The following CD8B2 variants were observed in gnomAD, a reference collection of about 807,000 sequenced individuals.
CD8B2 encodes the protein T-cell surface glycoprotein CD8 beta-2 chain.
A neutral mutation model predicts 23.7 loss-of-function variants in CD8B2; 11 were observed. The observed-to-expected ratio is 0.46, with a 90% confidence interval of 0.29 to 0.77. The LOEUF (loss-of-function observed/expected upper bound fraction) is 0.77, where lower values mean the gene tolerates loss of function less well. Ranked by LOEUF, CD8B2 falls within the 30% of genes least tolerant of loss-of-function variation. The probability of loss-of-function intolerance (pLI) is 0.09; values close to 1 mark genes in which losing one functional copy is unlikely to be tolerated. For missense variants in CD8B2, 197 were observed against 270.5 expected (o/e 0.73, Z 1.91); for synonymous variants, 90 against 109.3 (o/e 0.82, Z 1.10).
At chr2:106,542,545 A>T (rs1680191547) in intron 5 of CD8B2, among the ~76,000 whole-genome samples, 2 of 151,514 alleles carry the variant, frequency 1.3e-5, no homozygotes, top group South Asian at 4.2e-4. Flanking sequence ...TATTTAACAA[A>T]TACATGCCTA....
At chr2:106,498,933 C>T (rs930007117) in intron 3 of CD8B2, among the ~76,000 whole-genome samples, 2 of 152,024 alleles carry the variant, frequency 1.3e-5, no homozygotes, top group Non-Finnish European at 2.9e-5. Context: ...ATTTCTAAAC[C>T]ATGGACTCAG....
intron 5 of CD8B2, among the ~76,000 whole-genome samples, chr2:106,541,294 A>C (rs1680170036): frequency 6.6e-6 from 1 of 152,092 alleles, no homozygotes; most frequent in Admixed American, 6.5e-5. Context: ...CCCCCTATGG[A>C]AGTAGGGCCA....
At chr2:106,527,803 C>CAAAA (rs1164963595) in intron 5 of CD8B2, among the ~76,000 whole-genome samples, 1 of 25,816 alleles carries the variant, frequency 3.9e-5, no homozygotes, top group Non-Finnish European at 7.7e-5. Flanking sequence ...CAAAACAAAA[C>CAAAA]AAAAAACAAA....
chr2:106,527,974 C>T (rs1573349143), intron 5 of CD8B2, among the ~76,000 whole-genome samples: 1 of 152,284 alleles, frequency 6.6e-6, no homozygotes, highest in East Asian at 1.9e-4. Flanking sequence ...TTTCAATGTC[C>T]AGCATATCCT....
intron 5 of CD8B2, among the ~76,000 whole-genome samples, chr2:106,527,550 C>G (rs1197622216): frequency 6.6e-6 from 1 of 152,186 alleles, no homozygotes; most frequent in Non-Finnish European, 1.5e-5. Context: ...TTCGGGAGAC[C>G]GAGGTGGGTG....
At chr2:106,535,414 A>T (rs1216381826) in intron 5 of CD8B2, 1 of 130,502 alleles carries the variant, frequency 7.7e-6, no homozygotes, top group African/African-American at 3.5e-5. Context: ...GTTAAGGCTA[A>T]ACAGAAATAG....
intron 5 of CD8B2, among the ~76,000 whole-genome samples, chr2:106,537,181 C>T (rs895066310): frequency 2.0e-5 from 3 of 152,124 alleles, no homozygotes; most frequent in Non-Finnish European, 4.4e-5. Flanking sequence ...GGCTTCCCCC[C>T]AAATGCTGCC....
chr2:106,512,545 G>A (rs1679653187), downstream of CD8B2, among the ~76,000 whole-genome samples: 1 of 152,064 alleles, frequency 6.6e-6, no homozygotes, highest in African/African-American at 2.4e-5. Flanking sequence ...GCTCACTGCA[G>A]CTTTGACCTC....
chr2:106,499,372 A>C (rs1377974291), intron 3 of CD8B2, among the ~76,000 whole-genome samples: 2 of 152,024 alleles, frequency 1.3e-5, no homozygotes, highest in Admixed American at 1.3e-4. Flanking sequence ...TCTCCACTAA[A>C]AATACAAAAA....
chr2:106,503,889 TAGCCTG>T (rs1340137958), intron 4 of CD8B2, among the ~76,000 whole-genome samples: 14 of 152,246 alleles, frequency 9.2e-5, no homozygotes, highest in African/African-American at 3.1e-4. Flanking sequence ...GCAATTGCCC[TAGCCTG>T]AGACTGCCTG....
intron 5 of CD8B2, among the ~76,000 whole-genome samples, chr2:106,532,798 G>A (rs1242077178): frequency 2.0e-5 from 3 of 152,160 alleles, no homozygotes; most frequent in Admixed American, 1.3e-4. Context: ...GGCTTTGGCT[G>A]GCTTCTTTAC....
At chr2:106,537,503 C>T (rs1286592807) in intron 5 of CD8B2, among the ~76,000 whole-genome samples, 1 of 152,056 alleles carries the variant, frequency 6.6e-6, no homozygotes. Context: ...GCACAGAAAT[C>T]CCCAAATGAG....
At chr2:106,522,799 C>G (rs776913179) in intron 5 of CD8B2, among the ~76,000 whole-genome samples, 1 of 152,056 alleles carries the variant, frequency 6.6e-6, no homozygotes, top group African/African-American at 2.4e-5. Context: ...TTGCAAAGAC[C>G]GTAGCAGAGA....
intron 5 of CD8B2, among the ~76,000 whole-genome samples, chr2:106,524,575 A>C (rs1228828356): frequency 3.3e-5 from 5 of 152,198 alleles, no homozygotes; most frequent in Non-Finnish European, 7.3e-5. Flanking sequence ...AAGAAGCCCC[A>C]GTGGTCCAGT....
intron 3 of CD8B2, among the ~76,000 whole-genome samples, chr2:106,496,670 A>G (rs376048038): frequency 1.3e-5 from 2 of 152,002 alleles, no homozygotes; most frequent in South Asian, 2.1e-4. Flanking sequence ...AAAAATCCAT[A>G]TACTATATGA....
intron 5 of CD8B2, among the ~76,000 whole-genome samples, chr2:106,517,936 G>T (rs1282460214): frequency 6.6e-6 from 1 of 152,020 alleles, no homozygotes. Flanking sequence ...GGATGGTCTC[G>T]ATCTCCTGAC....
At chr2:106,521,492 C>T (rs2104568723) in intron 5 of CD8B2, 1 of 152,286 alleles carries the variant, frequency 6.6e-6, no homozygotes. Flanking sequence ...AAAAGGAAAA[C>T]CTTACCGAGG....
chr2:106,514,842 G>GC (rs1480051045), downstream of CD8B2, among the ~76,000 whole-genome samples: 4 of 151,978 alleles, frequency 2.6e-5, no homozygotes, highest in Non-Finnish European at 4.4e-5. Flanking sequence ...CTTTTTCATA[G>GC]CATTCTTTAT....
downstream of CD8B2, among the ~76,000 whole-genome samples, chr2:106,514,376 C>T (rs1679692624): frequency 6.6e-6 from 1 of 151,018 alleles, no homozygotes; most frequent in African/African-American, 2.4e-5. Context: ...CAACCTCTGC[C>T]TCTCGGGTTC....
Sources: gnomAD v4.1 joint callset for allele counts (sites outside exome capture counted in the v4.1 genomes callset) on GRCh38, gnomAD v4.1.1 for gene constraint, MANE v1.5 for transcripts, NCBI Gene and HGNC (gene_info 2026-07-23, HGNC 2026-07-21) for gene names.